The following SEC22C variants were observed in gnomAD, a reference collection of about 807,000 sequenced individuals.
SEC22C encodes SEC22 homolog C, vesicle trafficking protein.
A neutral mutation model predicts 34.7 loss-of-function variants in SEC22C; 29 were observed. The ratio of observed to expected loss-of-function variants is 0.84; its 90% CI spans 0.62 to 1.14. The LOEUF is 1.14. SEC22C is among the 50% of genes most tolerant of loss of function. The pLI is 0.00. For synonymous variants in SEC22C, 117 were observed against 132.8 expected, an observed-to-expected ratio of 0.88 and a Z score of 0.82; for missense variants, 337 against 369.0, an observed-to-expected ratio of 0.91 and a Z score of 0.71.
At chr3:42,566,223 G>A (rs934118841) in intron 2 of SEC22C, among the ~76,000 whole-genome samples, 2 of 152,184 alleles carry the variant, frequency 1.3e-5, no homozygotes, top group Non-Finnish European at 2.9e-5. Context: ...CCAGGTGACA[G>A]CTGCATGTGC....
At chr3:42,596,053 C>A (rs9812673) in intron 1 of SEC22C, among the ~76,000 whole-genome samples, 1 of 150,986 alleles carries the variant, frequency 6.6e-6, no homozygotes, top group African/African-American at 2.4e-5. Context: ...TTTTTTGAGA[C>A]GGAATCTCGC....
At chr3:42,600,874 G>C (rs1267443104) in intron 1 of SEC22C, 2 of 632,244 alleles carry the variant, frequency 3.2e-6, no homozygotes, top group Non-Finnish European at 2.4e-6. Flanking sequence ...TGTCGCGACG[G>C]GCCGGCGTGA....
Position 42,550,095 on chromosome 3 carries a change from T to C in SEC22C, c.*3153A>G. ...AGCATATTAGGGAAGGGGAAACCTT[T>C]TGGGCTCTGGCCCCGTGGTTGGGAA... On this transcript the variant is annotated 3_prime_UTR_variant, in exon 7 of 7. Coordinates refer to ENST00000264454, the MANE Select transcript of SEC22C (RefSeq NM_032970.4). The C allele has an allele frequency of 1.0e-6, 1 of 985,516 alleles. No individual in the cohort carries two copies. Among genetic ancestry groups the C allele is most frequent in the Non-Finnish European group, 1.2e-6 (1 of 829,982 alleles). 61.0% of individuals were successfully genotyped at this position (985,516 alleles called of 1,614,324 possible).
chr3:42,569,917 G>A (rs1703506721), intron 1 of SEC22C, among the ~76,000 whole-genome samples: 1 of 152,220 alleles, frequency 6.6e-6, no homozygotes, highest in Admixed American at 6.5e-5. Context: ...ACTGCAGGGT[G>A]CTTGTTCAGG....
intron 1 of SEC22C, among the ~76,000 whole-genome samples, chr3:42,576,535 A>G (rs1703975145): frequency 1.3e-5 from 2 of 152,114 alleles, no homozygotes; most frequent in African/African-American, 2.4e-5. Flanking sequence ...CAATAAAGCT[A>G]TAATTTTTTA....
intron 4 of SEC22C, among the ~76,000 whole-genome samples, chr3:42,559,201 C>T (rs1225635267): frequency 1.3e-5 from 2 of 152,240 alleles, no homozygotes; most frequent in Non-Finnish European, 2.9e-5. Flanking sequence ...AATACCTCGC[C>T]ACAATCCAAC....
intron 1 of SEC22C, among the ~76,000 whole-genome samples, chr3:42,588,577 A>G (rs1704703142): frequency 6.6e-6 from 1 of 152,146 alleles, no homozygotes; most frequent in Admixed American, 6.5e-5. Context: ...GTTATATAGT[A>G]TTATATAAAT....
intron 1 of SEC22C, among the ~76,000 whole-genome samples, chr3:42,577,972 A>C (rs1169720220): frequency 6.6e-6 from 1 of 152,074 alleles, no homozygotes; most frequent in Admixed American, 6.6e-5. Context: ...TTCATCTCAA[A>C]AAAAAAAACA....
Position 42,550,475 on chromosome 3 carries a change from C to A in SEC22C, c.*2773G>T, listed in dbSNP as rs1702194928. ...TGGGGATTTCCCTCGGATGAAATCA[C>A]CAGAACTTCTTTCCTATTTTCAGTC... On this transcript the variant is annotated 3_prime_UTR_variant, in exon 7 of 7. Transcript: ENST00000264454. 1 of 985,308 alleles carries A rather than the reference C, an allele frequency of 1.0e-6. No homozygotes were observed. The highest frequency in any genetic ancestry group is 6.1e-5 in the Admixed American group (1 of 16,264). The allele number at this position is 985,308 out of a possible 1,614,324, so 61.0% of individuals were successfully genotyped here.
Position 42,552,395 on chromosome 3 carries a change from C to T in SEC22C, c.*853G>A. 1.0e-6 allele frequency: 1 copy of T among 985,424 alleles called. No homozygotes were observed. Among genetic ancestry groups the T allele is most frequent in the East Asian group, 1.1e-4 (1 of 8,810 alleles). The allele number at this position is 985,424 out of a possible 1,614,324, so 61.0% of individuals were successfully genotyped here. ...CCTCCCAAGCGGATCTGTAAAGTGC[C>T]ACTGAATCCATGTTCATTCACCTAC... On this transcript the variant is annotated 3_prime_UTR_variant, in exon 7 of 7. Transcript: ENST00000264454.
chr3:42,548,961 G>GC lies in SEC22C; in HGVS notation c.*4286dup. 8.7e-7 allele frequency: 1 copy of GC among 1,148,882 alleles called. No individual in the cohort carries two copies. Among genetic ancestry groups the GC allele is most frequent in the Non-Finnish European group, 1.1e-6 (1 of 926,172 alleles). The allele number at this position is 1,148,882 out of a possible 1,614,324, so 71.2% of individuals were successfully genotyped here. A position where few individuals can be genotyped will look rare whatever the true frequency, so the allele number is the denominator to read the frequency against. ...CTCATAACAGCACCCTGGCGGGGGGGCAGATTGATGTTATCACCATTTACC... is the reference window on the plus strand; with the variant it reads ...CTCATAACAGCACCCTGGCGGGGGGGCCAGATTGATGTTATCACCATTTACC... On this transcript the variant is annotated 3_prime_UTR_variant, in exon 7 of 7. Coordinates refer to ENST00000264454, the MANE Select transcript of SEC22C (RefSeq NM_032970.4).
rs1190455570 is a variant in SEC22C at position 42,553,388 on chromosome 3, A to G, written c.772T>C (p.Phe258Leu). The G allele has an allele frequency of 1.2e-6, 2 of 1,614,180 alleles. No individual in the cohort carries two copies. The highest frequency in any genetic ancestry group is 4.5e-5 in the East Asian group (2 of 44,892). The change falls in exon 7 of 7, where the codon TTT becomes CTT. Residue 258 changes from phenylalanine (F) to leucine (L), a missense_variant. Phe to Leu is a conservative substitution (Grantham distance 22). Transcript: ENST00000264454. Reference protein sequence around the residue: ...RTMKVVLMLLFICLGNMYLHG... With the variant: ...RTMKVVLMLLLICLGNMYLHG... ...AGGTACATGTTGCCCAGGCAAATAA[A>G]GAGCAGCATAAGCACCACCTTCATA...
chr3:42,563,420 T>A, intron 3 of SEC22C, 103 bp downstream of exon 3: 1 of 887,714 alleles, frequency 1.1e-6, no homozygotes, highest in Non-Finnish European at 1.8e-6. Flanking sequence ...TGTTTTTGCA[T>A]CTCCAGTGGT....
chr3:42,590,981 G>A (rs763145485), intron 1 of SEC22C: 1 of 1,334,730 alleles, frequency 7.5e-7, no homozygotes, highest in Non-Finnish European at 9.9e-7. Context: ...GCATCCACGC[G>A]GGCGGGCGGG....
Position 42,550,213 on chromosome 3 carries a change from A to G in SEC22C, c.*3035T>C, listed in dbSNP as rs1055311151. Reference sequence around the variant, plus strand: ...TGCTCAAGGCCTTGCAGCATCTGATACCAGAAGGCACCTCTAAAGTTTTGT... The same window carrying G: ...TGCTCAAGGCCTTGCAGCATCTGATGCCAGAAGGCACCTCTAAAGTTTTGT... On this transcript the variant is annotated 3_prime_UTR_variant, in exon 7 of 7. Coordinates refer to ENST00000264454, the MANE Select transcript of SEC22C (RefSeq NM_032970.4). 1.0e-6 allele frequency: 1 copy of G among 985,356 alleles called. No homozygotes were observed. The highest frequency in any genetic ancestry group is 6.1e-5 in the Admixed American group (1 of 16,272). 61.0% of individuals were successfully genotyped at this position (985,356 alleles called of 1,614,324 possible). A position where few individuals can be genotyped will look rare whatever the true frequency, so the allele number is the denominator to read the frequency against.
chr3:42,572,922 C>CT (rs1380548991), intron 1 of SEC22C, among the ~76,000 whole-genome samples: 2 of 152,212 alleles, frequency 1.3e-5, no homozygotes, highest in African/African-American at 2.4e-5. Flanking sequence ...TAGAATACAG[C>CT]AGTGCAATCA....
chr3:42,563,952 G>A (rs1703084337), intron 2 of SEC22C: 5 of 1,348,776 alleles, frequency 3.7e-6, no homozygotes, highest in Non-Finnish European at 4.9e-6. Flanking sequence ...ATATTCTATT[G>A]GGGGAATTAG....
In SEC22C at chr3:42,552,471, T is replaced by G; in HGVS notation, c.*777A>C. 3 of 984,906 alleles carry G rather than the reference T, an allele frequency of 3.0e-6. No homozygotes were observed. Among genetic ancestry groups the G allele is most frequent in the Non-Finnish European group, 3.6e-6 (3 of 829,436 alleles). 61.0% of individuals were successfully genotyped at this position (984,906 alleles called of 1,614,324 possible). ...ATCCTGAAATTCTCATTTCTGCTCA[T>G]GCTGACAAACTTATCATCTAGAAGT... is the stretch of plus-strand genomic sequence containing the variant. On this transcript the variant is annotated 3_prime_UTR_variant, in exon 7 of 7. Coordinates refer to ENST00000264454, the MANE Select transcript of SEC22C (RefSeq NM_032970.4).
At chr3:42,556,995 A>G (rs1042424816) in intron 5 of SEC22C, among the ~76,000 whole-genome samples, 2 of 152,246 alleles carry the variant, frequency 1.3e-5, no homozygotes, top group African/African-American at 4.8e-5. Flanking sequence ...AAGTGCTGGA[A>G]TTACAGGAGT....
Sources: gnomAD v4.1 joint callset for allele counts (sites outside exome capture counted in the v4.1 genomes callset) on GRCh38, gnomAD v4.1.1 for gene constraint, MANE v1.5 for transcripts, NCBI Gene and HGNC (gene_info 2026-07-23, HGNC 2026-07-21) for gene names.